Variants in ATP13A3 observed in about 807,000 individuals in gnomAD.
The protein encoded by ATP13A3 is polyamine-transporting ATPase 13A3.
In ATP13A3, 59 loss-of-function variants were observed where a neutral mutation model predicts 158.1. The observed-to-expected ratio is 0.37, with a 90% CI of 0.30 to 0.46. The LOEUF is 0.46. Among genes scored for constraint, ATP13A3 ranks in the 20% least tolerant of loss-of-function variants. The pLI, the probability that ATP13A3 is intolerant of heterozygous loss-of-function variation, is 1.00. For missense variants in ATP13A3, 1,166 were observed against 1,525.2 expected (o/e 0.76, Z 3.92); for synonymous variants, 491 against 504.3 (o/e 0.97, Z 0.35).
chr3:194,431,255 T>C (rs1560083304), intron 22 of ATP13A3, 29 bp from the exon 23 acceptor site: 15 of 1,557,866 alleles, frequency 9.6e-6, no homozygotes, highest in Non-Finnish European at 1.1e-5. Context: ...GGGAACAATA[T>C]TTAGGCAACC....
At chr3:194,485,402 G>A (rs1485296775) in intron 2 of ATP13A3, among the ~76,000 whole-genome samples, 1 of 152,168 alleles carries the variant, frequency 6.6e-6, no homozygotes, top group Non-Finnish European at 1.5e-5. Context: ...ATATATTCCA[G>A]TGAAACAAAA....
At chr3:194,447,281 G>A (rs1364175034) in intron 13 of ATP13A3, among the ~76,000 whole-genome samples, 166 bp from the exon 14 acceptor site, 1 of 151,858 alleles carries the variant, frequency 6.6e-6, no homozygotes, top group African/African-American at 2.4e-5. Flanking sequence ...TTTTTCTTCA[G>A]ATATTTCTGC....
intron 17 of ATP13A3, 139 bp downstream of exon 17, chr3:194,438,717 T>G (rs923099174): frequency 3.0e-5 from 14 of 464,388 alleles, no homozygotes; most frequent in African/African-American, 2.9e-4. Flanking sequence ...TTGAGGGGGA[T>G]CATTTGAGCC....
chr3:194,473,498 A>C (rs77095431), intron 2 of ATP13A3, among the ~76,000 whole-genome samples: 3 of 151,756 alleles, frequency 2.0e-5, no homozygotes, highest in Non-Finnish European at 2.9e-5. Flanking sequence ...AAAAAAAAAA[A>C]CCTGACAAGG....
At chr3:194,422,429 T>A (rs536810409) in intron 30 of ATP13A3, among the ~76,000 whole-genome samples, 1 of 152,228 alleles carries the variant, frequency 6.6e-6, no homozygotes, top group East Asian at 1.9e-4. Flanking sequence ...GGGTCAAGGG[T>A]GTTCCTTAAG....
At chr3:194,438,505 G>A (rs2108852965) in intron 17 of ATP13A3, among the ~76,000 whole-genome samples, 1 of 152,348 alleles carries the variant, frequency 6.6e-6, no homozygotes, top group South Asian at 2.1e-4. Flanking sequence ...AAAGAAAAGT[G>A]ATAGTACTGA....
intron 24 of ATP13A3, 74 bp from the exon 25 acceptor site, chr3:194,430,389 C>T: frequency 6.9e-7 from 1 of 1,459,400 alleles, no homozygotes; most frequent in Non-Finnish European, 9.4e-7. Flanking sequence ...TAAGACTTTT[C>T]TATTACAGTA....
At chr3:194,480,269 T>C (rs1233682892) in intron 2 of ATP13A3, among the ~76,000 whole-genome samples, 1 of 152,190 alleles carries the variant, frequency 6.6e-6, no homozygotes, top group Non-Finnish European at 1.5e-5. Context: ...AGAGCTGTAA[T>C]TCAAAATCAC....
Position 194,437,976 on chromosome 3 carries a change from A to C in ATP13A3, c.1828-403T>G, listed in dbSNP as rs1330175533. On this transcript the variant is annotated intron_variant, in intron 17 of 33. Transcript: ENST00000645319. ...GGAGATCGAGACCAGACTTATCAAC[A>C]TGGTGAAACCCCATCTCTACTAAAA... 2.6e-5 allele frequency among the ~76,000 whole-genome samples: 4 copies of C among 152,286 alleles called. No individual in the cohort carries two copies. The South Asian group carries it at 6.2e-4, about 24-fold the overall frequency.
chr3:194,406,240 C>T (rs539640137), intron 33 of ATP13A3, 124 bp from the exon 34 acceptor site: 7 of 1,004,326 alleles, frequency 7.0e-6, no homozygotes, highest in Middle Eastern at 2.3e-4. Flanking sequence ...CTGAGCACAA[C>T]GAATGGGGGA....
chr3:194,491,480 C>T (rs181997473), upstream of ATP13A3, among the ~76,000 whole-genome samples: 8 of 152,036 alleles, frequency 5.3e-5, no homozygotes, highest in African/African-American at 1.9e-4. Context: ...TGCATGCCCC[C>T]TCATCTCTCA....
chr3:194,430,927 A>G lies in ATP13A3; in HGVS notation c.2624+16T>C. On this transcript the variant is annotated intron_variant, in intron 24 of 33. Transcript: ENST00000645319. ...ATTCATCAAAAACCAAAACCAAAAA[A>G]GACACCAATACTTACTCAACATTTT... 1 of 1,563,586 alleles carries G rather than the reference A, an allele frequency of 6.4e-7. No individual in the cohort carries two copies. Among genetic ancestry groups the G allele is most frequent in the Non-Finnish European group, 8.7e-7 (1 of 1,155,828 alleles).
At chr3:194,460,271 T>C (rs547043574) in intron 4 of ATP13A3, among the ~76,000 whole-genome samples, 1 of 152,216 alleles carries the variant, frequency 6.6e-6, no homozygotes, top group South Asian at 2.1e-4. Flanking sequence ...AAACCTCTTA[T>C]AAAATGCTTC....
At chr3:194,490,975 A>T (rs1016957212), upstream of ATP13A3, among the ~76,000 whole-genome samples, 1 of 152,192 alleles carries the variant, frequency 6.6e-6, no homozygotes, top group African/African-American at 2.4e-5. This position sits in a 1 kb window ranked among gnomAD's most constrained non-coding sequence, Gnocchi z 4.4. Context: ...GTGAAACCCC[A>T]TCCACTAAAC....
chr3:194,491,201 A>G (rs1330964148), upstream of ATP13A3, among the ~76,000 whole-genome samples: 1 of 152,088 alleles, frequency 6.6e-6, no homozygotes, highest in Non-Finnish European at 1.5e-5. Flanking sequence ...TCCCTTGGCC[A>G]TTCCTCCCTA....
Position 194,446,965 on chromosome 3 carries a change from T to C in ATP13A3, c.1459A>G (p.Asn487Asp), listed in dbSNP as rs1718448981. 1 of 1,612,884 alleles carries C rather than the reference T, an allele frequency of 6.2e-7. No individual in the cohort carries two copies. Among genetic ancestry groups the C allele is most frequent in the Non-Finnish European group, 8.5e-7 (1 of 1,179,838 alleles). The change falls in exon 14 of 34, where the codon AAT becomes GAT. Residue 487 changes from asparagine (N) to aspartate (D), a missense_variant. Physicochemically the swap from Asn to Asp is conservative, Grantham distance 23 (BLOSUM62 1). This residue lies in a region of ATP13A3 where 997 missense variants were observed against 1,341.2 expected (regional missense o/e 0.74). Transcript: ENST00000645319. ...GIFCISPQRI[N>D]ICGQLNLVCF... ...ACAAGATTGAGCTGTCCACAAATAT[T>C]TATTCTTTGAGGACTGATACAGAAA...
At position 194,431,750 on chromosome 3, in the gene ATP13A3, C is replaced by T. The variant is rs756609682; in HGVS notation, c.2388G>A (p.Thr796=). The change falls in exon 22 of 34, where the codon ACG becomes ACA. Residue 796 remains threonine (T), a synonymous_variant. Coordinates refer to ENST00000645319, the MANE Select transcript of ATP13A3 (RefSeq NM_001367549.1). ...KINWHYADSL[T]QCSHPSAIDP... is the part of the protein sequence containing the mutation. The stretch of plus-strand genomic sequence containing the variant: ...CAATTGCTGATGGATGACTGCACTG[C>T]GTGAGGGAGTCTGCATAATGCCAAT... 3.7e-6 allele frequency: 6 copies of T among 1,609,618 alleles called. No individual in the cohort carries two copies. Among genetic ancestry groups the T allele is most frequent in the East Asian group, 2.2e-5 (1 of 44,604 alleles).
chr3:194,426,976 C>T (rs1249086138), intron 29 of ATP13A3, 99 bp downstream of exon 29: 1 of 1,332,986 alleles, frequency 7.5e-7, no homozygotes, highest in East Asian at 2.5e-5. Context: ...TGAGCCACCG[C>T]ACCTGGCACA....
chr3:194,486,054 G>A (rs897376551), intron 1 of ATP13A3, among the ~76,000 whole-genome samples: 24 of 152,208 alleles, frequency 1.6e-4, no homozygotes, highest in African/African-American at 5.6e-4. Context: ...CGAGAGCACT[G>A]CTAGGGCAAA....
Sources: allele counts gnomAD v4.1 joint callset (sites outside exome capture counted in the v4.1 genomes callset), GRCh38; gene constraint gnomAD v4.1.1; regional missense constraint gnomAD v4.1.1; non-coding constraint Gnocchi (gnomAD v3.1); transcripts MANE v1.5; gene names NCBI Gene and HGNC (gene_info 2026-07-23, HGNC 2026-07-21).